Variants in BRCA2 observed in about 807,000 individuals in gnomAD.
BRCA2 encodes the protein breast cancer type 2 susceptibility protein.
Under a neutral mutation model 276.7 loss-of-function variants are expected in BRCA2, and 203 were observed. The ratio of observed to expected loss-of-function variants is 0.73; its 90% CI spans 0.65 to 0.82. BRCA2 has a LOEUF of 0.82. Among genes scored for constraint, BRCA2 ranks in the 40% least tolerant of loss-of-function variants. The pLI, the probability that BRCA2 is intolerant of heterozygous loss-of-function variation, is 0.00. For missense variants in BRCA2, 3,920 were observed against 3,915.0 expected (o/e 1.00, Z -0.03); for synonymous variants, 1,289 against 1,338.4 (o/e 0.96, Z 0.81).
intron 24 of BRCA2, among the ~76,000 whole-genome samples, chr13:32,387,956 G>A (rs11571794): frequency 2.0e-5 from 3 of 151,974 alleles, no homozygotes; most frequent in South Asian, 2.1e-4. Context: ...CCAGCCGTTC[G>A]GGCCGCTACC....
At chr13:32,331,797 T>C (rs2072393417) in intron 9 of BRCA2, among the ~76,000 whole-genome samples, 1 of 152,156 alleles carries the variant, frequency 6.6e-6, no homozygotes, top group Non-Finnish European at 1.5e-5. Context: ...GCATTTTTCT[T>C]AGTATGTGTG....
At chr13:32,341,338 G>T (rs2072568222) in intron 11 of BRCA2, 142 bp downstream of exon 11, 1 of 1,157,868 alleles carries the variant, frequency 8.6e-7, no homozygotes, top group African/African-American at 1.5e-5. Context: ...GGGGAGTATG[G>T]TTTGATATAC....
intron 13 of BRCA2, among the ~76,000 whole-genome samples, chr13:32,352,422 G>T (rs970898750): frequency 1.3e-5 from 2 of 152,146 alleles, no homozygotes; most frequent in African/African-American, 4.8e-5. Flanking sequence ...GTCTAACTCA[G>T]ATTGCTAGCC....
intron 21 of BRCA2, 34 bp downstream of exon 21, chr13:32,376,825 A>G (rs1381435276): frequency 1.2e-6 from 2 of 1,611,846 alleles, no homozygotes; most frequent in Non-Finnish European, 1.7e-6. Flanking sequence ...ATGAGGCTTG[A>G]TGATTATTCA....
intron 13 of BRCA2, among the ~76,000 whole-genome samples, chr13:32,349,216 CAAA>C (rs55777417): frequency 7.1e-4 from 70 of 98,180 alleles, no homozygotes; most frequent in African/African-American, 2.9e-3. Context: ...GACTCTGTCT[CAAA>C]AAAAAAAAAA....
Position 32,385,641 on chromosome 13 carries a change from A to T in BRCA2, c.9256+5496A>T, listed in dbSNP as rs548451065. On this transcript the variant is annotated intron_variant, in intron 24 of 26. Coordinates refer to ENST00000380152, the MANE Select transcript of BRCA2 (RefSeq NM_000059.4). ...GAGAAAAGGTAGACAAAATGATAAG[A>T]TCACCTGTATTTCATCTTCAATCTG... is the stretch of plus-strand genomic sequence containing the variant. 2.0e-5 allele frequency: 5 copies of T among 245,716 alleles called. No homozygotes were observed. In the South Asian group the frequency reaches 2.6e-4, roughly 13 times the overall value. The allele number at this position is 245,716 out of a possible 1,614,324, so 15.2% of individuals were successfully genotyped here. A position where few individuals can be genotyped will look rare whatever the true frequency, so the allele number is the denominator to read the frequency against.
In BRCA2 at chr13:32,393,109, A is replaced by C. The variant is rs11571813; in HGVS notation, c.9257-1580A>C. 0.04 allele frequency among the ~76,000 whole-genome samples: 6,164 copies of C among 152,302 alleles called. 213 individuals carry two copies. Among genetic ancestry groups the C allele is most frequent in the South Asian group, 0.11 (551 of 4,818 alleles). On this transcript the variant is annotated intron_variant, in intron 24 of 26. Transcript: ENST00000380152. ...AGTACATCATATCAAGGGGTTAATG[A>C]TACTGATCTTAATCACTTGATTAAG...
chr13:32,394,462 A>G (rs531265091), intron 24 of BRCA2, among the ~76,000 whole-genome samples: 2 of 152,332 alleles, frequency 1.3e-5, no homozygotes, highest in East Asian at 3.9e-4. Context: ...CTGCTTCCAC[A>G]TGACCTCAGT....
At position 32,337,661 on chromosome 13, in the gene BRCA2, TTTAACACCTAGCCAAA is replaced by T; in HGVS notation, c.3307_3322del (p.Leu1103ArgfsTer11). The T allele has an allele frequency of 6.3e-7, 1 of 1,594,884 alleles. No individual in the cohort carries two copies. The highest frequency in any genetic ancestry group is 8.5e-7 in the Non-Finnish European group (1 of 1,171,536). On this transcript the variant is annotated frameshift_variant, in exon 11 of 27. Coordinates refer to ENST00000380152, the MANE Select transcript of BRCA2 (RefSeq NM_000059.4). LOFTEE classifies it high-confidence loss of function. ...AGCAGGATTTTAATTCAAACCATAA[TTTAACACCTAGCCAAA>T]AGGCAGAAATTACAGAACTTTCTAC...
chr13:32,368,936 G>C (rs1215340449), intron 18 of BRCA2, among the ~76,000 whole-genome samples: 1 of 151,244 alleles, frequency 6.6e-6, no homozygotes, highest in Non-Finnish European at 1.5e-5. Context: ...TCAGCCTCCC[G>C]AGTAGCTGGG....
rs2072806833 is a variant in BRCA2, at chr13:32,368,809, G to GT, written c.8332-1593_8332-1592insT. Among the ~76,000 whole-genome samples the GT allele has an allele frequency of 3.8e-5, 5 of 132,920 alleles. 1 individual carries two copies. The highest frequency in any genetic ancestry group is 5.4e-4 in the East Asian group (2 of 3,688). The allele number at this position is 132,920 out of a possible 152,430, so 87.2% of individuals were successfully genotyped here. A position where few individuals can be genotyped will look rare whatever the true frequency, so the allele number is the denominator to read the frequency against. Reference sequence around the variant, plus strand: ...TTTTTTGTTTTTTTGTTTTTTTTTTGGTTTTTTTTGTTTTTTTTTTAGATG... The same window carrying GT: ...TTTTTTGTTTTTTTGTTTTTTTTTTGTGTTTTTTTTGTTTTTTTTTTAGATG... On this transcript the variant is annotated intron_variant, in intron 18 of 26. Coordinates refer to ENST00000380152, the MANE Select transcript of BRCA2 (RefSeq NM_000059.4).
In BRCA2 at chr13:32,326,656, G is replaced by T. The variant is rs276174869; in HGVS notation, c.631+43G>T. 890 of 1,388,252 alleles carry T rather than the reference G, an allele frequency of 6.4e-4. 1 individual carries two copies. Among genetic ancestry groups the T allele is most frequent in the Non-Finnish European group, 8.3e-4 (820 of 984,686 alleles). 86.0% of individuals were successfully genotyped at this position (1,388,252 alleles called of 1,614,324 possible). On this transcript the variant is annotated intron_variant, in intron 7 of 26. Coordinates refer to ENST00000380152, the MANE Select transcript of BRCA2 (RefSeq NM_000059.4). ...GTATTTACAAGAAAGAGCAGATGAG[G>T]TTGATAATTGTCATCTCTAATACTT...
rs2137503111 is a variant in BRCA2 at position 32,338,477 on chromosome 13, G to A, written c.4122G>A (p.Lys1374=). The change falls in exon 11 of 27, where the codon AAG becomes AAA. Residue 1374 remains lysine (K), a synonymous_variant. Coordinates refer to ENST00000380152, the MANE Select transcript of BRCA2 (RefSeq NM_000059.4). ...ICLKLSGQFM[K]EGNTQIKEDL... is the part of the protein sequence containing the mutation. Reference sequence around the variant, plus strand: ...TTAAATTATCTGGCCAGTTTATGAAGGAGGGAAACACTCAGATTAAAGAAG... The same window carrying A: ...TTAAATTATCTGGCCAGTTTATGAAAGAGGGAAACACTCAGATTAAAGAAG... The A allele has an allele frequency of 6.2e-7, 1 of 1,610,566 alleles. No individual in the cohort carries two copies. The highest frequency in any genetic ancestry group is 1.1e-5 in the South Asian group (1 of 89,718).
Position 32,325,641 on chromosome 13 carries a change from C to T in BRCA2, c.425+457C>T, listed in dbSNP as rs11571614. On this transcript the variant is annotated intron_variant, in intron 4 of 26. Transcript: ENST00000380152. ...CTGCAAGCTCCGCCTCCCGGGTTCA[C>T]GCCATTCTCCTGCCTCAGCCTCCCA... 9.6e-3 allele frequency among the ~76,000 whole-genome samples: 1,457 copies of T among 151,202 alleles called. 63 individuals are homozygous for T. The highest frequency in any genetic ancestry group is 0.076 in the Admixed American group (1,155 of 15,184).
At chr13:32,384,908 A>G (rs1200887904) in intron 24 of BRCA2, 2 of 323,574 alleles carry the variant, frequency 6.2e-6, no homozygotes, top group Admixed American at 3.7e-5. Flanking sequence ...TGAAGACTTA[A>G]TCCAGAAAGA....
At chr13:32,341,845 G>GC (rs898164212) in intron 11 of BRCA2, among the ~76,000 whole-genome samples, 4 of 151,118 alleles carry the variant, frequency 2.6e-5, no homozygotes, top group Non-Finnish European at 5.9e-5. Context: ...TCCAGCCTGG[G>GC]CGACAGAGCG....
rs1555283117 is a variant in BRCA2, at chr13:32,337,596, T to G, written c.3241T>G (p.Cys1081Gly). The G allele has an allele frequency of 1.9e-6, 3 of 1,594,842 alleles. No homozygotes were observed. The highest frequency in any genetic ancestry group is 2.6e-6 in the Non-Finnish European group (3 of 1,170,800). ...HLQSSVVVSD[C>G]KNSHITPQML... ...ACAGAGTAGTGTAGTTGTTTCTGAT[T>G]GTAAAAATAGTCATATAACCCCTCA... The change falls in exon 11 of 27, where the codon TGT becomes GGT. Residue 1081 changes from cysteine (C) to glycine (G), a missense_variant. Around this residue, in one of 2 missense-constraint regions of BRCA2, gnomAD observed 3,263 missense variants for 3,156.9 expected, o/e 1.03. Transcript: ENST00000380152.
At position 32,340,937 on chromosome 13, in the gene BRCA2, T is replaced by C. The variant is rs1178835711; in HGVS notation, c.6582T>C (p.Ile2194=). 2 of 1,609,996 alleles carry C rather than the reference T, an allele frequency of 1.2e-6. No individual in the cohort carries two copies. The highest frequency in any genetic ancestry group is 2.7e-5 in the African/African-American group (2 of 74,584). Residue 2194 remains isoleucine, a synonymous_variant, in exon 11 of 27, where the codon ATT becomes ATC. Transcript: ENST00000380152. ...CACCTAAAAACGTAAAAATGGAAAT[T>C]GGTAAAACTGAAACTTTTTCTGATG... The part of the protein sequence containing the change: ...QASPKNVKME[I]GKTETFSDVP...
rs1566242894 is a variant in BRCA2 at position 32,357,897 on chromosome 13, T to C, written c.7773T>C (p.Asn2591=). 6.2e-7 allele frequency: 1 copy of C among 1,614,144 alleles called. No homozygotes were observed. Among genetic ancestry groups the C allele is most frequent in the Non-Finnish European group, 8.5e-7 (1 of 1,180,010 alleles). ...ATGGTGGATGGCTCATACCCTCCAA[T>C]GATGGAAAGGCTGGAAAAGAAGAAT... ...LADGGWLIPS[N]DGKAGKEEFY... Residue 2591 remains asparagine, a synonymous_variant, in exon 16 of 27, where the codon AAT becomes AAC. Coordinates refer to ENST00000380152, the MANE Select transcript of BRCA2 (RefSeq NM_000059.4).
Sources: gnomAD v4.1 joint callset for allele counts (sites outside exome capture counted in the v4.1 genomes callset) on GRCh38, gnomAD v4.1.1 for gene constraint, gnomAD v4.1.1 regional missense constraint, MANE v1.5 for transcripts, NCBI Gene and HGNC (gene_info 2026-07-23, HGNC 2026-07-21) for gene names.